Variants in CEP63 observed in about 807,000 individuals in gnomAD.
CEP63 encodes the protein centrosomal protein 63.
A neutral mutation model predicts 89.1 loss-of-function variants in CEP63; 84 were observed. The observed-to-expected ratio is 0.94, with a 90% CI of 0.79 to 1.13. The LOEUF (loss-of-function observed/expected upper bound fraction) is 1.13. Ranked by LOEUF, CEP63 falls within the 50% of genes most tolerant of loss-of-function variation. CEP63 has a pLI of 0.00. For missense variants in CEP63, 838 were observed against 813.3 expected, an observed-to-expected ratio of 1.03 and a Z score of -0.37; for synonymous variants, 267 against 272.5, an observed-to-expected ratio of 0.98 and a Z score of 0.20.
At chr3:134,692,059 T>C in the CEP63 span, among the ~76,000 whole-genome samples, 25 of 152,200 alleles carry the variant, frequency 1.6e-4, no homozygotes, top group African/African-American at 6.0e-4. Context: ...GGTGCCTTGA[T>C]TTCCTTTTTC....
the CEP63 span, among the ~76,000 whole-genome samples, chr3:134,714,070 G>T: frequency 6.6e-6 from 1 of 152,220 alleles, no homozygotes; most frequent in Non-Finnish European, 1.5e-5. Flanking sequence ...TGGCAGCGGG[G>T]AGAGGGCTTT....
chr3:134,727,669 T>C, the CEP63 span, among the ~76,000 whole-genome samples: 1 of 152,356 alleles, frequency 6.6e-6, no homozygotes, highest in South Asian at 2.1e-4. Context: ...GAAATATTCA[T>C]ACGGTAGCTT....
downstream of CEP63, among the ~76,000 whole-genome samples, chr3:134,576,750 G>T (rs528760244): frequency 6.6e-6 from 1 of 152,316 alleles, no homozygotes; most frequent in South Asian, 2.1e-4. Flanking sequence ...GCAGCTGTAG[G>T]AAGGCATCAG....
chr3:134,497,139 G>A (rs112438857), intron 2 of CEP63, among the ~76,000 whole-genome samples: 244 of 152,094 alleles, frequency 1.6e-3, no homozygotes, highest in African/African-American at 5.7e-3. Flanking sequence ...TTGCTGTTGA[G>A]TTGTTTTTCT....
downstream of CEP63, among the ~76,000 whole-genome samples, chr3:134,578,517 A>G (rs147648140): frequency 3.2e-3 from 484 of 151,900 alleles, no homozygotes; most frequent in African/African-American, 0.011. Flanking sequence ...TTTTGTAGAG[A>G]TGGAGTTTCA....
the CEP63 span, among the ~76,000 whole-genome samples, chr3:134,721,838 T>C: frequency 2.6e-5 from 4 of 152,134 alleles, no homozygotes; most frequent in African/African-American, 9.6e-5. Flanking sequence ...GCATAGTATA[T>C]CATTCTTTTA....
At chr3:134,756,996 T>C in the CEP63 span, among the ~76,000 whole-genome samples, 3 of 152,126 alleles carry the variant, frequency 2.0e-5, no homozygotes, top group Admixed American at 2.0e-4. Flanking sequence ...CTGAGCCAGA[T>C]GGAAATAGGG....
chr3:134,485,991 G>GGGCCCCC, upstream of CEP63: 7 of 938,158 alleles, frequency 7.5e-6, no homozygotes, highest in Non-Finnish European at 7.6e-6. Context: ...CTCCTGCCAC[G>GGGCCCCC]CCCCCCCCCC....
At chr3:134,608,402 G>T in the CEP63 span, 1 of 1,465,166 alleles carries the variant, frequency 6.8e-7, no homozygotes, top group Admixed American at 2.1e-5. Context: ...CCCTTTCTGG[G>T]TTTATGCTAG....
chr3:134,625,433 T>C, the CEP63 span, among the ~76,000 whole-genome samples: 1 of 152,274 alleles, frequency 6.6e-6, no homozygotes, highest in Non-Finnish European at 1.5e-5. Context: ...GTTAACCCAG[T>C]AGTTCCCAGA....
At chr3:134,654,909 A>G in the CEP63 span, among the ~76,000 whole-genome samples, 127 of 152,070 alleles carry the variant, frequency 8.4e-4, 1 homozygote, top group Non-Finnish European at 1.4e-3. Context: ...TACAATCCCA[A>G]TAGTTAATTT....
At chr3:134,544,625 C>T (rs1300162578) in intron 6 of CEP63, among the ~76,000 whole-genome samples, 2 of 101,448 alleles carry the variant, frequency 2.0e-5, no homozygotes, top group African/African-American at 6.9e-5. Context: ...ATAATTACAA[C>T]ATGCTCTAGG....
At position 134,510,624 on chromosome 3, in the gene CEP63, G is replaced by A. The variant is rs529661476; in HGVS notation, c.222+3338G>A. 2.5e-4 allele frequency: 167 copies of A among 658,322 alleles called. 1 individual carries two copies. Among genetic ancestry groups the A allele is most frequent in the South Asian group, 2.1e-3 (142 of 66,234 alleles). The allele number at this position is 658,322 out of a possible 1,614,324, so 40.8% of individuals were successfully genotyped here. ...GTGCAGGGGTGGGAAATTGGGAGGCGGGAAGCAAGAAGAGTGCACTCACTC... is the reference window on the plus strand; with the variant it reads ...GTGCAGGGGTGGGAAATTGGGAGGCAGGAAGCAAGAAGAGTGCACTCACTC... On this transcript the variant is annotated intron_variant, in intron 3 of 14. Transcript: ENST00000675561.
At chr3:134,496,711 A>G (rs371315352) in intron 2 of CEP63, among the ~76,000 whole-genome samples, 6 of 152,336 alleles carry the variant, frequency 3.9e-5, no homozygotes, top group African/African-American at 1.4e-4. Flanking sequence ...GTCTTTATTG[A>G]TAAGGTGAAC....
chr3:134,640,574 G>A, the CEP63 span, among the ~76,000 whole-genome samples: 3 of 152,044 alleles, frequency 2.0e-5, no homozygotes, highest in Non-Finnish European at 2.9e-5. Context: ...GGTGTGGTTC[G>A]CAGAACAGAG....
chr3:134,559,566 T>G (rs1956967824), intron 14 of CEP63, 137 bp downstream of exon 14: 1 of 745,470 alleles, frequency 1.3e-6, no homozygotes, highest in African/African-American at 1.8e-5. Context: ...TTCTTAGGTA[T>G]CCCTGTCATA....
chr3:134,582,468 T>C (rs1958383092), intron 10 of CEP63, among the ~76,000 whole-genome samples: 1 of 152,150 alleles, frequency 6.6e-6, no homozygotes, highest in African/African-American at 2.4e-5. Flanking sequence ...CTGAGAATGA[T>C]GGTTTCCAGC....
the CEP63 span, among the ~76,000 whole-genome samples, chr3:134,631,887 G>T: frequency 2.6e-5 from 4 of 152,024 alleles, no homozygotes; most frequent in Non-Finnish European, 5.9e-5. Context: ...GAAAAATAGA[G>T]ATTTTCAGAA....
the CEP63 span, chr3:134,615,204 G>A: frequency 2.0e-5 from 3 of 152,500 alleles, no homozygotes; most frequent in African/African-American, 4.8e-5. Flanking sequence ...AGAACCTCAT[G>A]AGACGTGACT....
Sources: allele counts gnomAD v4.1 joint callset (sites outside exome capture counted in the v4.1 genomes callset), GRCh38; gene constraint gnomAD v4.1.1; transcripts MANE v1.5; gene names NCBI Gene and HGNC (gene_info 2026-07-23, HGNC 2026-07-21).